Variants in USH2A observed in about 807,000 individuals in gnomAD.
USH2A encodes Usher syndrome 2A (autosomal recessive, mild).
USH2A carries 443 observed loss-of-function variants against 538.9 expected under a neutral mutation model. The observed-to-expected ratio is 0.82, with a 90% CI of 0.76 to 0.89. The LOEUF (loss-of-function observed/expected upper bound fraction) is 0.89. Among genes scored for constraint, USH2A ranks in the 40% least tolerant of loss-of-function variants. The pLI is 0.00. For missense variants in USH2A, 6,633 were observed against 6,324.8 expected, an observed-to-expected ratio of 1.05 and a Z score of -1.65; for synonymous variants, 2,413 against 2,273.5, an observed-to-expected ratio of 1.06 and a Z score of -1.75.
intron 60 of USH2A, among the ~76,000 whole-genome samples, chr1:215,738,234 A>G (rs567362900): frequency 3.3e-5 from 5 of 152,234 alleles, no homozygotes; most frequent in African/African-American, 1.2e-4. Flanking sequence ...TCATTATCAT[A>G]CCAGCCAAAC....
intron 24 of USH2A, 31 bp downstream of exon 24, chr1:216,086,688 G>T: frequency 6.8e-7 from 1 of 1,479,438 alleles, no homozygotes; most frequent in South Asian, 1.1e-5. Flanking sequence ...AAGTTTGGAT[G>T]ACAACATATA....
chr1:216,063,061 T>C (rs1185152894), intron 30 of USH2A, among the ~76,000 whole-genome samples: 1 of 152,180 alleles, frequency 6.6e-6, no homozygotes, highest in Non-Finnish European at 1.5e-5. Context: ...ACTTAAATAT[T>C]AAAATCTCAA....
chr1:215,961,065 A>C lies in USH2A; in HGVS notation c.7120+4252T>G, dbSNP rs533419141. On this transcript the variant is annotated intron_variant, in intron 37 of 71. Coordinates refer to ENST00000307340, the MANE Select transcript of USH2A (RefSeq NM_206933.4). ...ATTAGATTATCATTTTCCCCTGGTA[A>C]GATGCCTGCATTTTAGAGAAAATGA... is the stretch of plus-strand genomic sequence containing the variant. 7.2e-5 allele frequency among the ~76,000 whole-genome samples: 11 copies of C among 152,164 alleles called. No individual in the cohort carries two copies. In the South Asian group the frequency reaches 2.3e-3, roughly 32 times the overall value.
At chr1:216,012,954 G>A (rs959303810) in intron 32 of USH2A, among the ~76,000 whole-genome samples, 1 of 151,984 alleles carries the variant, frequency 6.6e-6, no homozygotes, top group African/African-American at 2.4e-5. Context: ...ACTCATACAT[G>A]TCCTGCTCTT....
At chr1:215,820,931 T>TA (rs398103687) in intron 47 of USH2A, among the ~76,000 whole-genome samples, 1 of 151,812 alleles carries the variant, frequency 6.6e-6, no homozygotes. Flanking sequence ...AAGTCTTTTT[T>TA]ATGGCTGAAT....
At chr1:215,686,303 T>C (rs746390619) in intron 61 of USH2A, among the ~76,000 whole-genome samples, 6 of 152,068 alleles carry the variant, frequency 3.9e-5, no homozygotes, top group Non-Finnish European at 7.4e-5. Flanking sequence ...AAATACTTGT[T>C]ATTCAGAAGA....
At position 215,743,305 on chromosome 1, in the gene USH2A, T is replaced by C. The variant is rs1660358608; in HGVS notation, c.11420A>G (p.Tyr3807Cys). 4 of 1,607,076 alleles carry C rather than the reference T, an allele frequency of 2.5e-6. No individual in the cohort carries two copies. Among genetic ancestry groups the C allele is most frequent in the Admixed American group, 3.4e-5 (2 of 59,170 alleles). Residue 3807 changes from tyrosine (Y) to cysteine (C), a missense_variant, in exon 59 of 72, where the codon TAC becomes TGC. Transcript: ENST00000307340. ...GILIPEIPVEYNVLLNDGSVT... is the reference protein window; with the variant it reads ...GILIPEIPVECNVLLNDGSVT... ...ACTTCCATCATTGAGTAAGACATTG[T>C]ACTCCACAGGAATTTCGGGGATGAG... is the stretch of plus-strand genomic sequence containing the variant.
chr1:215,902,330 A>T (rs1388306690), intron 38 of USH2A, among the ~76,000 whole-genome samples: 2 of 152,190 alleles, frequency 1.3e-5, no homozygotes, highest in Non-Finnish European at 2.9e-5. Context: ...CAGTGATGAG[A>T]ACAGAAGAAT....
chr1:215,674,845 G>C lies in USH2A; in HGVS notation c.13066C>G (p.Pro4356Ala). The change falls in exon 63 of 72, where the codon CCA (proline) becomes GCA (alanine). Residue 4356 changes from proline (P) to alanine (A), a missense_variant. Physicochemically the swap from Pro to Ala is conservative, Grantham distance 27. Coordinates refer to ENST00000307340, the MANE Select transcript of USH2A (RefSeq NM_206933.4). ...PTSITTLEAA[P>A]SEVSPPDLWA... ...AGATCTGGAGGGCTGACTTCTGATG[G>C]AGCAGCCTCCAGAGTTGTGATGCTG... 1 of 1,614,188 alleles carries C rather than the reference G, an allele frequency of 6.2e-7. No individual in the cohort carries two copies. Among genetic ancestry groups the C allele is most frequent in the South Asian group, 1.1e-5 (1 of 91,084 alleles).
intron 44 of USH2A, among the ~76,000 whole-genome samples, chr1:215,864,268 T>A (rs778206501): frequency 2.6e-4 from 40 of 152,234 alleles, no homozygotes; most frequent in Non-Finnish European, 4.8e-4. Context: ...GTACTTTCTA[T>A]AATTTTTGGT....
At chr1:216,390,117 A>G (rs373166237) in intron 3 of USH2A, among the ~76,000 whole-genome samples, 1 of 152,222 alleles carries the variant, frequency 6.6e-6, no homozygotes, top group African/African-American at 2.4e-5. Context: ...TGTGAAATGT[A>G]TAACTACATA....
chr1:216,170,102 A>G (rs1419845548), intron 21 of USH2A, among the ~76,000 whole-genome samples: 1 of 152,184 alleles, frequency 6.6e-6, no homozygotes, highest in Non-Finnish European at 1.5e-5. Context: ...CACCTTCACT[A>G]TAAATGCTTA....
chr1:215,671,616 G>T (rs1657821786), intron 63 of USH2A, among the ~76,000 whole-genome samples: 1 of 152,114 alleles, frequency 6.6e-6, no homozygotes, highest in Non-Finnish European at 1.5e-5. Flanking sequence ...TTCGAAAGGG[G>T]TGAGTGCAAT....
rs1428853150 is a variant in USH2A at position 216,264,006 on chromosome 1, C to T, written c.1972-12908G>A. On this transcript the variant is annotated intron_variant, in intron 11 of 71. Coordinates refer to ENST00000307340, the MANE Select transcript of USH2A (RefSeq NM_206933.4). ...CTAGGTAAAAATGAAATCTCACTTA[C>T]GATAGCTAAAAAAACAAAAATACTG... 3.3e-5 allele frequency among the ~76,000 whole-genome samples: 5 copies of T among 151,684 alleles called. No homozygotes were observed. The East Asian group carries it at 5.8e-4, about 18-fold the overall frequency.
chr1:216,356,330 C>G (rs945059071), intron 4 of USH2A, among the ~76,000 whole-genome samples: 1 of 151,928 alleles, frequency 6.6e-6, no homozygotes, highest in African/African-American at 2.4e-5. Flanking sequence ...TAGAATAAAT[C>G]TATTCTGAAA....
intron 21 of USH2A, among the ~76,000 whole-genome samples, chr1:216,133,801 G>A (rs17026153): frequency 0.038 from 5,730 of 152,120 alleles, 350 homozygotes; most frequent in African/African-American, 0.13. Context: ...CTTAAAATAT[G>A]AATGATTACC....
intron 4 of USH2A, among the ~76,000 whole-genome samples, chr1:216,330,234 A>G (rs2102662836): frequency 6.6e-6 from 1 of 152,286 alleles, no homozygotes; most frequent in Non-Finnish European, 1.5e-5. Context: ...AGTTAACAAC[A>G]ACAACAAAAT....
chr1:215,878,685 T>C, intron 42 of USH2A, 79 bp downstream of exon 42: 1 of 1,447,902 alleles, frequency 6.9e-7, no homozygotes. Flanking sequence ...CATATAGGAA[T>C]AAAAGCCTCC....
At chr1:215,697,365 G>A (rs1056199256) in intron 61 of USH2A, among the ~76,000 whole-genome samples, 1 of 152,140 alleles carries the variant, frequency 6.6e-6, no homozygotes, top group African/African-American at 2.4e-5. Flanking sequence ...GGAGCTGAGT[G>A]CCACCTGTAG....
Sources: allele counts gnomAD v4.1 joint callset (sites outside exome capture counted in the v4.1 genomes callset), GRCh38; gene constraint gnomAD v4.1.1; transcripts MANE v1.5; gene names NCBI Gene and HGNC (gene_info 2026-07-23, HGNC 2026-07-21).